Variants in PDE4B observed in about 807,000 individuals in gnomAD.
The protein encoded by PDE4B is phosphodiesterase 4B, also known as 3',5'-cyclic-AMP phosphodiesterase 4B.
A neutral mutation model predicts 82.2 loss-of-function variants in PDE4B; 20 were observed. The observed-to-expected ratio is 0.24, with a 90% CI of 0.17 to 0.35. The LOEUF is 0.35. Among genes scored for constraint, PDE4B ranks in the 10% least tolerant of loss-of-function variants. The pLI is 1.00. For missense variants in PDE4B, 655 were observed against 907.2 expected, an observed-to-expected ratio of 0.72 and a Z score of 3.57; for synonymous variants, 320 against 318.9, an observed-to-expected ratio of 1.00 and a Z score of -0.04.
At chr1:66,329,792 G>A (rs776616623) in intron 7 of PDE4B, among the ~76,000 whole-genome samples, 1 of 152,142 alleles carries the variant, frequency 6.6e-6, no homozygotes, top group Non-Finnish European at 1.5e-5. Context: ...CACAGTAAGT[G>A]GTAGAAGAGA....
At chr1:66,311,762 T>C (rs1353832532) in intron 7 of PDE4B, among the ~76,000 whole-genome samples, 1 of 152,234 alleles carries the variant, frequency 6.6e-6, no homozygotes, top group Middle Eastern at 3.2e-3. Flanking sequence ...ATGACACACA[T>C]TTTAAAGCAG....
intron 3 of PDE4B, among the ~76,000 whole-genome samples, chr1:66,014,425 C>G (rs1473160266): frequency 6.6e-6 from 1 of 151,900 alleles, no homozygotes; most frequent in Non-Finnish European, 1.5e-5. Flanking sequence ...TAGTTTGGGT[C>G]TTGTGTTTAG....
At chr1:66,094,267 C>T (rs958262482) in intron 3 of PDE4B, among the ~76,000 whole-genome samples, 6 of 151,976 alleles carry the variant, frequency 3.9e-5, no homozygotes, top group African/African-American at 1.2e-4. Context: ...AATGACTGCG[C>T]TTCAGATTTT....
intron 1 of PDE4B, among the ~76,000 whole-genome samples, chr1:65,868,779 T>C (rs1370534704): frequency 6.6e-6 from 1 of 152,192 alleles, no homozygotes; most frequent in Non-Finnish European, 1.5e-5. Flanking sequence ...TCCTGTCAGA[T>C]CAGAGGTGGC....
chr1:66,014,489 A>G (rs377507203), intron 3 of PDE4B, among the ~76,000 whole-genome samples: 3 of 152,050 alleles, frequency 2.0e-5, no homozygotes, highest in Middle Eastern at 3.2e-3. Flanking sequence ...TTAGAGTCCA[A>G]CTGCTTTCTT....
intron 3 of PDE4B, among the ~76,000 whole-genome samples, chr1:66,065,572 A>T (rs990837744): frequency 6.6e-6 from 1 of 151,716 alleles, no homozygotes; most frequent in African/African-American, 2.4e-5. Flanking sequence ...CGGGAACTGT[A>T]TTGTACTTCT....
At chr1:66,229,289 G>C (rs965188096) in intron 3 of PDE4B, among the ~76,000 whole-genome samples, 1 of 152,040 alleles carries the variant, frequency 6.6e-6, no homozygotes, top group East Asian at 1.9e-4. Context: ...GATTACAGGC[G>C]TGAGCCACCA....
At chr1:66,262,922 G>A (rs373533238) in intron 6 of PDE4B, among the ~76,000 whole-genome samples, 1 of 152,160 alleles carries the variant, frequency 6.6e-6, no homozygotes, top group Non-Finnish European at 1.5e-5. Context: ...GATTTGACAC[G>A]CTATAAAGAA....
chr1:66,081,832 C>CTCTG (rs1280680569), intron 3 of PDE4B, among the ~76,000 whole-genome samples: 132 of 125,186 alleles, frequency 1.1e-3, no homozygotes, highest in African/African-American at 2.6e-3. Flanking sequence ...CTCTCTCTCT[C>CTCTG]TGTGTGTGTG....
chr1:66,348,561 A>C (rs1273228739), intron 8 of PDE4B, among the ~76,000 whole-genome samples: 5 of 152,014 alleles, frequency 3.3e-5, no homozygotes, highest in Non-Finnish European at 5.9e-5. Flanking sequence ...ATTATCTAAA[A>C]ATATACAGTG....
intron 7 of PDE4B, among the ~76,000 whole-genome samples, chr1:66,320,079 A>G (rs1361875772): frequency 6.6e-6 from 1 of 152,170 alleles, no homozygotes; most frequent in Admixed American, 6.5e-5. Flanking sequence ...CTAATTTGGT[A>G]TATTTCTTAA....
At chr1:66,311,884 C>T (rs1658697329) in intron 7 of PDE4B, among the ~76,000 whole-genome samples, 1 of 152,184 alleles carries the variant, frequency 6.6e-6, no homozygotes, top group Non-Finnish European at 1.5e-5. Flanking sequence ...GCCACTTCCC[C>T]GCTCTGAGCA....
At chr1:65,917,817 C>T (rs1202323005) in intron 2 of PDE4B, among the ~76,000 whole-genome samples, 5 of 152,142 alleles carry the variant, frequency 3.3e-5, no homozygotes, top group Non-Finnish European at 7.4e-5. Flanking sequence ...ACATAACAGT[C>T]ACCTCTAATT....
chr1:66,037,833 ATT>A (rs2100817761), intron 3 of PDE4B, among the ~76,000 whole-genome samples: 1 of 152,258 alleles, frequency 6.6e-6, no homozygotes, highest in South Asian at 2.1e-4. Flanking sequence ...TATTTTTATC[ATT>A]TTATAAAAGA....
chr1:66,349,637 A>G (rs887081336), intron 8 of PDE4B, among the ~76,000 whole-genome samples: 3 of 152,210 alleles, frequency 2.0e-5, no homozygotes, highest in Admixed American at 2.0e-4. Context: ...TTGCTTTTCA[A>G]ATAAGACAAA....
rs559083911 is a variant in PDE4B at position 65,837,362 on chromosome 1, C to T, written c.-71+44114C>T. Among the ~76,000 whole-genome samples, 44 of 152,136 alleles carry T rather than the reference C, an allele frequency of 2.9e-4. No homozygotes were observed. In the East Asian group the frequency reaches 4.1e-3, roughly 14 times the overall value. On this transcript the variant is annotated intron_variant, in intron 1 of 16. Transcript: ENST00000341517. ...ATCCCAGCACTTTGGGAGGCTGAGGCGGGAGGATCACCTGAGGTCAGGAGT... is the reference window on the plus strand; with the variant it reads ...ATCCCAGCACTTTGGGAGGCTGAGGTGGGAGGATCACCTGAGGTCAGGAGT...
At chr1:66,164,755 C>CTTTTTTTTTT (rs145224852) in intron 3 of PDE4B, among the ~76,000 whole-genome samples, 30 of 87,868 alleles carry the variant, frequency 3.4e-4, no homozygotes, top group Non-Finnish European at 4.4e-4. Flanking sequence ...CTTTTCTTTT[C>CTTTTTTTTTT]TTTTTTTTTT....
intron 3 of PDE4B, among the ~76,000 whole-genome samples, chr1:66,018,533 G>A (rs2100759565): frequency 6.6e-6 from 1 of 152,232 alleles, no homozygotes; most frequent in East Asian, 1.9e-4. Context: ...GCTTTGTGTA[G>A]ATACAACAGA....
At chr1:66,338,328 G>T (rs1480311975) in intron 8 of PDE4B, among the ~76,000 whole-genome samples, 3 of 151,786 alleles carry the variant, frequency 2.0e-5, no homozygotes, top group Admixed American at 6.6e-5. Context: ...TCTTCTAAGG[G>T]GATTTTGGAT....
Sources: gnomAD v4.1 joint callset for allele counts (sites outside exome capture counted in the v4.1 genomes callset) on GRCh38, gnomAD v4.1.1 for gene constraint, MANE v1.5 for transcripts, NCBI Gene and HGNC (gene_info 2026-07-23, HGNC 2026-07-21) for gene names.